CPAMD8: variants seen among roughly 807,000 people sequenced by gnomAD.
The protein encoded by CPAMD8 is C3 and PZP like alpha-2-macroglobulin domain containing 8.
In CPAMD8, 146 loss-of-function variants were observed where a neutral mutation model predicts 224.7. The ratio of observed to expected loss-of-function variants is 0.65; its 90% CI spans 0.57 to 0.75. The LOEUF is 0.75. Ranked by LOEUF, CPAMD8 falls within the 30% of genes least tolerant of loss-of-function variation. CPAMD8 has a pLI of 0.00. For missense variants in CPAMD8, 2,301 were observed against 2,537.5 expected (o/e 0.91, Z 2.00); for synonymous variants, 966 against 1,044.6 (o/e 0.92, Z 1.45).
At chr19:17,015,034 G>C (rs1249300375) in intron 3 of CPAMD8, among the ~76,000 whole-genome samples, 1 of 152,204 alleles carries the variant, frequency 6.6e-6, no homozygotes, top group Non-Finnish European at 1.5e-5. Flanking sequence ...CTGAGGTCAG[G>C]AGTTCGGGAC....
intron 14 of CPAMD8, among the ~76,000 whole-genome samples, chr19:16,979,658 T>G (rs1160628024): frequency 6.6e-6 from 1 of 152,032 alleles, no homozygotes; most frequent in Non-Finnish European, 1.5e-5. Flanking sequence ...ATCCATCCAT[T>G]GATCCATCCC....
rs117468247 is a variant in CPAMD8, at chr19:17,021,336, C to G, written c.244+694G>C. Among the ~76,000 whole-genome samples the G allele has an allele frequency of 3.6e-3, 551 of 152,296 alleles. 1 individual carries two copies. The highest frequency in any genetic ancestry group is 8.0e-3 in the Admixed American group (123 of 15,292). On this transcript the variant is annotated intron_variant, in intron 2 of 41. Transcript: ENST00000443236. ...TCAGGAGTGCCTGGTTCTTCTAGGA[C>G]TAGAAGGGCTTCTAGAAGGTTCTAG...
rs775347068 is a variant in CPAMD8 at position 16,993,464 on chromosome 19, C to A, written c.1218G>T (p.Gly406=). ...SEVVSQRGLV[G]FEIPSIPTSA... ...ACGTGGGGATGGAGGGGATTTCAAA[C>A]CCCACTAGTCCACGCTGGGACACAA... is the stretch of plus-strand genomic sequence containing the variant. The change falls in exon 12 of 42, where the codon GGG becomes GGT. Residue 406 remains glycine (G), a synonymous_variant. Coordinates refer to ENST00000443236, the MANE Select transcript of CPAMD8 (RefSeq NM_015692.5). 1 of 1,613,826 alleles carries A rather than the reference C, an allele frequency of 6.2e-7. No homozygotes were observed. Among genetic ancestry groups the A allele is most frequent in the Non-Finnish European group, 8.5e-7 (1 of 1,179,872 alleles).
intron 30 of CPAMD8, among the ~76,000 whole-genome samples, chr19:16,906,594 G>A (rs567997570): frequency 2.0e-5 from 3 of 151,712 alleles, no homozygotes; most frequent in African/African-American, 7.3e-5. Context: ...AGGAGAGACG[G>A]GGTTTCACCA....
intron 9 of CPAMD8, among the ~76,000 whole-genome samples, chr19:17,001,936 G>T (rs939132070): frequency 1.3e-4 from 20 of 151,662 alleles, no homozygotes; most frequent in East Asian, 7.8e-4. Flanking sequence ...AACCCACAGG[G>T]GAGGAGCCCA....
At chr19:16,981,945 C>T (rs2055529357) in intron 13 of CPAMD8, among the ~76,000 whole-genome samples, 1 of 152,196 alleles carries the variant, frequency 6.6e-6, no homozygotes, top group African/African-American at 2.4e-5. Context: ...ACACAATGCA[C>T]ACTGTAGGTG....
intron 9 of CPAMD8, among the ~76,000 whole-genome samples, chr19:17,001,296 G>C (rs2056307029): frequency 7.0e-6 from 1 of 141,950 alleles, no homozygotes; most frequent in South Asian, 2.2e-4. Context: ...ACTCCAGCCT[G>C]GGCGACAGAG....
At chr19:17,024,584 T>C (rs1457122715) in intron 1 of CPAMD8, among the ~76,000 whole-genome samples, 1 of 152,192 alleles carries the variant, frequency 6.6e-6, no homozygotes, top group East Asian at 1.9e-4. Flanking sequence ...TTGGTCACCT[T>C]TGAAACTCCT....
rs2056348008 is a variant in CPAMD8, at chr19:17,002,209, A to C, written c.758+57T>G. ...GGAACGACCTTGAGGGAGCAGCGTG[A>C]TGGTTGGGGAAGGGGAAGGGCCCCC... On this transcript the variant is annotated intron_variant, in intron 9 of 41. Coordinates refer to ENST00000443236, the MANE Select transcript of CPAMD8 (RefSeq NM_015692.5). The C allele has an allele frequency of 1.4e-5, 16 of 1,141,090 alleles. No homozygotes were observed. In the South Asian group the frequency reaches 2.0e-4, roughly 14 times the overall value. The allele number at this position is 1,141,090 out of a possible 1,614,324, so 70.7% of individuals were successfully genotyped here.
chr19:17,019,169 G>A (rs778128121), intron 3 of CPAMD8, among the ~76,000 whole-genome samples: 1 of 152,122 alleles, frequency 6.6e-6, no homozygotes, highest in Non-Finnish European at 1.5e-5. Context: ...TGTTGCCCAG[G>A]CTGGAGTGAA....
Position 16,904,352 on chromosome 19 carries a change from G to A in CPAMD8, c.4125C>T (p.Ala1375=), listed in dbSNP as rs762819151. Residue 1375 remains alanine (A), a synonymous_variant, in exon 32 of 42, where the codon GCC becomes GCT. Coordinates refer to ENST00000443236, the MANE Select transcript of CPAMD8 (RefSeq NM_015692.5). The part of the protein sequence containing the change: ...SDRVSQSVVS[A]EVEMTAYALL... ...GGGCGTAGGCTGTCATTTCCACCTC[G>A]GCCGAGACCACTGCAATGGAAGAGG... 5.6e-6 allele frequency: 9 copies of A among 1,613,834 alleles called. No individual in the cohort carries two copies. The highest frequency in any genetic ancestry group is 4.0e-5 in the African/African-American group (3 of 74,918).
At chr19:17,003,780 A>G (rs1251483098) in intron 8 of CPAMD8, among the ~76,000 whole-genome samples, 1 of 145,370 alleles carries the variant, frequency 6.9e-6, no homozygotes, top group Admixed American at 6.9e-5. Flanking sequence ...CCCTGCCTCA[A>G]AAAAAAAAAA....
Position 16,896,578 on chromosome 19 carries a change from GC to G in CPAMD8, c.5152del (p.Ala1718ProfsTer69). ...ARCGCDHDCG[A>X]QGNPVCGSDG... ...GGAGCCGCACACCGGGTTCCCCTGG[GC>G]GCCGCAGTCGTGGTCGCAGCCGCAT... On this transcript the variant is annotated frameshift_variant, in exon 40 of 42. Coordinates refer to ENST00000443236, the MANE Select transcript of CPAMD8 (RefSeq NM_015692.5). LOFTEE classifies it high-confidence loss of function. 6.0e-6 allele frequency: 9 copies of G among 1,512,292 alleles called. No individual in the cohort carries two copies. The highest frequency in any genetic ancestry group is 7.9e-6 in the Non-Finnish European group (9 of 1,136,896). 93.7% of individuals were successfully genotyped at this position (1,512,292 alleles called of 1,614,324 possible). A position where few individuals can be genotyped will look rare whatever the true frequency, so the allele number is the denominator to read the frequency against.
intron 34 of CPAMD8, among the ~76,000 whole-genome samples, 164 bp downstream of exon 34, chr19:16,903,397 C>T (rs1341991202): frequency 6.6e-6 from 1 of 152,000 alleles, no homozygotes; most frequent in African/African-American, 2.4e-5. Flanking sequence ...GACCCATGGC[C>T]ACCTGCCTTG....
intron 20 of CPAMD8, among the ~76,000 whole-genome samples, chr19:16,947,477 C>T (rs199962181): frequency 4.6e-5 from 7 of 152,192 alleles, no homozygotes; most frequent in Non-Finnish European, 7.3e-5. Flanking sequence ...CACAGCCCTC[C>T]GTATCCTCAC....
At chr19:16,945,762 T>C in intron 21 of CPAMD8, 83 bp from the exon 22 acceptor site, 1 of 1,278,502 alleles carries the variant, frequency 7.8e-7, no homozygotes, top group South Asian at 1.2e-5. Context: ...ATCCCAGATG[T>C]GTGTGCATGC....
chr19:17,003,999 C>G (rs866922619), intron 8 of CPAMD8, among the ~76,000 whole-genome samples: 6 of 151,606 alleles, frequency 4.0e-5, no homozygotes, highest in Non-Finnish European at 8.8e-5. Flanking sequence ...CTCTGCCTCC[C>G]GGTTCAAGTG....
At chr19:16,923,139 A>G (rs954724425) in intron 26 of CPAMD8, among the ~76,000 whole-genome samples, 3 of 152,224 alleles carry the variant, frequency 2.0e-5, no homozygotes, top group Non-Finnish European at 4.4e-5. Context: ...GGGTGAGGTG[A>G]GAGGCCGGTG....
At chr19:17,010,393 C>G (rs188447754) in intron 5 of CPAMD8, among the ~76,000 whole-genome samples, 7 of 152,212 alleles carry the variant, frequency 4.6e-5, no homozygotes, top group African/African-American at 1.7e-4. Flanking sequence ...TGCCACCATG[C>G]TCAACTAATT....
Sources: gnomAD v4.1 joint callset for allele counts (sites outside exome capture counted in the v4.1 genomes callset) on GRCh38, gnomAD v4.1.1 for gene constraint, MANE v1.5 for transcripts, NCBI Gene and HGNC (gene_info 2026-07-23, HGNC 2026-07-21) for gene names.